The following DCDC2 variants were observed in gnomAD, a reference collection of about 807,000 sequenced individuals.
DCDC2 encodes doublecortin domain-containing protein 2.
In DCDC2, 40 loss-of-function variants were observed where a neutral mutation model predicts 50.2. That is an observed-to-expected ratio of 0.80 (90% CI 0.62 to 1.04). DCDC2 has a LOEUF of 1.04. Among genes scored for constraint, DCDC2 ranks in the 50% least tolerant of loss-of-function variants. The pLI, the probability that DCDC2 is intolerant of heterozygous loss-of-function variation, is 0.00. For missense variants in DCDC2, 570 were observed against 581.9 expected (o/e 0.98, Z 0.21); for synonymous variants, 234 against 210.6 (o/e 1.11, Z -0.96).
At chr6:24,246,322 C>T (rs906885160) in intron 7 of DCDC2, among the ~76,000 whole-genome samples, 5 of 152,012 alleles carry the variant, frequency 3.3e-5, no homozygotes, top group African/African-American at 9.7e-5. Flanking sequence ...TAAAAAATGT[C>T]TATTATTCCA....
At chr6:24,314,580 A>T (rs575799211) in intron 2 of DCDC2, among the ~76,000 whole-genome samples, 14 of 152,198 alleles carry the variant, frequency 9.2e-5, no homozygotes, top group Non-Finnish European at 2.1e-4. Flanking sequence ...AGGAACCTCC[A>T]AAATGGAACA....
the DCDC2 span, among the ~76,000 whole-genome samples, chr6:24,376,426 T>C: frequency 1.3e-5 from 2 of 152,082 alleles, no homozygotes; most frequent in African/African-American, 4.8e-5. Context: ...CGTCATCCCA[T>C]AGCGGTAACA....
At chr6:24,334,836 G>A (rs1760027415) in intron 2 of DCDC2, among the ~76,000 whole-genome samples, 1 of 152,166 alleles carries the variant, frequency 6.6e-6, no homozygotes, top group African/African-American at 2.4e-5. Context: ...GGAAGATGCT[G>A]CATTTGAAAC....
intron 7 of DCDC2, among the ~76,000 whole-genome samples, chr6:24,239,587 T>C (rs1201152299): frequency 6.6e-6 from 1 of 152,188 alleles, no homozygotes; most frequent in Non-Finnish European, 1.5e-5. Flanking sequence ...GCACATGATA[T>C]TAAGCTGGAT....
intron 7 of DCDC2, among the ~76,000 whole-genome samples, chr6:24,277,005 A>G (rs1178711232): frequency 6.6e-6 from 1 of 152,104 alleles, no homozygotes; most frequent in African/African-American, 2.4e-5. Flanking sequence ...TGGTTCACCC[A>G]TTTCGCCTGT....
chr6:24,275,294 G>C (rs1003790299), intron 7 of DCDC2, among the ~76,000 whole-genome samples: 1 of 152,166 alleles, frequency 6.6e-6, no homozygotes, highest in Admixed American at 6.5e-5. Context: ...TGTAGTCAAA[G>C]ACATCTGCAG....
At chr6:24,233,521 G>A (rs1179071849) in intron 7 of DCDC2, among the ~76,000 whole-genome samples, 1 of 152,110 alleles carries the variant, frequency 6.6e-6, no homozygotes, top group Non-Finnish European at 1.5e-5. Context: ...AAATATCACA[G>A]AGTAGTCAAT....
At chr6:24,294,285 G>A (rs1763814517) in intron 4 of DCDC2, among the ~76,000 whole-genome samples, 1 of 152,056 alleles carries the variant, frequency 6.6e-6, no homozygotes, top group African/African-American at 2.4e-5. Flanking sequence ...AGCCCAGGAG[G>A]TTGAGGCTGC....
chr6:24,175,739 C>A (rs1760894332), intron 9 of DCDC2, among the ~76,000 whole-genome samples: 1 of 152,076 alleles, frequency 6.6e-6, no homozygotes, highest in Admixed American at 6.6e-5. Flanking sequence ...TCGCTTTGTA[C>A]AAGAATTGTT....
intron 6 of DCDC2, among the ~76,000 whole-genome samples, chr6:24,285,806 T>C (rs1309909732): frequency 6.6e-6 from 1 of 152,144 alleles, no homozygotes; most frequent in Non-Finnish European, 1.5e-5. Context: ...ATACAAAGAG[T>C]TGGGTCATGA....
intron 7 of DCDC2, among the ~76,000 whole-genome samples, chr6:24,211,030 C>T (rs1761856612): frequency 6.6e-6 from 1 of 152,226 alleles, no homozygotes; most frequent in Admixed American, 6.5e-5. Context: ...GTTCCAATTC[C>T]AGTAGCCACT....
upstream of DCDC2, among the ~76,000 whole-genome samples, chr6:24,362,343 G>A (rs6900807): frequency 4.6e-3 from 250 of 54,672 alleles, no homozygotes; most frequent in East Asian, 0.013. Context: ...TTAATTGTAT[G>A]TTGATACAAT....
chr6:24,197,290 T>C (rs1338785044), intron 8 of DCDC2, among the ~76,000 whole-genome samples: 1 of 152,214 alleles, frequency 6.6e-6, no homozygotes, highest in Non-Finnish European at 1.5e-5. Context: ...CTGAGGATCA[T>C]CGAATGTCAA....
intron 2 of DCDC2, among the ~76,000 whole-genome samples, chr6:24,335,388 A>C (rs1006002698): frequency 1.3e-5 from 2 of 152,208 alleles, no homozygotes; most frequent in African/African-American, 4.8e-5. Flanking sequence ...TTTGGCAGAA[A>C]CAAAAGATAT....
chr6:24,277,055 T>C (rs1763374616), intron 7 of DCDC2, among the ~76,000 whole-genome samples: 3 of 152,202 alleles, frequency 2.0e-5, no homozygotes, highest in Admixed American at 6.5e-5. Context: ...TCTGACTCTT[T>C]AATCATTTGT....
intron 7 of DCDC2, among the ~76,000 whole-genome samples, chr6:24,211,333 C>T (rs1005187918): frequency 4.6e-5 from 7 of 152,046 alleles, no homozygotes; most frequent in Non-Finnish European, 7.4e-5. Flanking sequence ...AGGGAACTGA[C>T]GAGAAAGAAG....
At chr6:24,223,681 C>G (rs554531307) in intron 7 of DCDC2, among the ~76,000 whole-genome samples, 1 of 152,348 alleles carries the variant, frequency 6.6e-6, no homozygotes, top group East Asian at 1.9e-4. Flanking sequence ...AATTTCTTAG[C>G]TTATCAGAAT....
upstream of DCDC2, among the ~76,000 whole-genome samples, chr6:24,360,206 T>C (rs375739760): frequency 8.6e-4 from 131 of 152,264 alleles, no homozygotes; most frequent in African/African-American, 3.0e-3. Flanking sequence ...AGGCCTGGCT[T>C]GCGCCTGGCT....
chr6:24,295,017 A>C (rs556301551), intron 4 of DCDC2, among the ~76,000 whole-genome samples: 3 of 152,238 alleles, frequency 2.0e-5, no homozygotes, highest in African/African-American at 7.2e-5. Context: ...ACAACAAAAA[A>C]GAAAGCTTCA....
Sources: gnomAD v4.1 joint callset for allele counts (sites outside exome capture counted in the v4.1 genomes callset) on GRCh38, gnomAD v4.1.1 for gene constraint, MANE v1.5 for transcripts, NCBI Gene and HGNC (gene_info 2026-07-23, HGNC 2026-07-21) for gene names.